The following ADORA3 variants were observed in gnomAD, a reference collection of about 807,000 sequenced individuals.
The protein encoded by ADORA3 is adenosine receptor A3.
Under a neutral mutation model 5.7 loss-of-function variants are expected in ADORA3, and 3 were observed. The observed-to-expected ratio is 0.52, with a 90% CI of 0.24 to 1.35. The LOEUF is 1.35. Among genes scored for constraint, ADORA3 ranks in the 40% most tolerant of loss-of-function variants. The probability of loss-of-function intolerance (pLI) is 0.17; values close to 1 mark genes in which losing one functional copy is unlikely to be tolerated. For missense variants in ADORA3, 343 were observed against 389.0 expected (o/e 0.88, Z 0.99); for synonymous variants, 168 against 152.3 (o/e 1.10, Z -0.76).
At chr1:111,501,635 C>T (rs1655181121) in intron 1 of ADORA3, among the ~76,000 whole-genome samples, 2 of 152,142 alleles carry the variant, frequency 1.3e-5, no homozygotes, top group Non-Finnish European at 2.9e-5. Context: ...AAACAAGTAA[C>T]TTCTACAAGT....
At position 111,499,559 on chromosome 1, in the gene ADORA3, C is replaced by A; in HGVS notation, c.*391G>T. The A allele has an allele frequency of 1.1e-5, 11 of 1,017,752 alleles. No individual in the cohort carries two copies. Among genetic ancestry groups the A allele is most frequent in the Non-Finnish European group, 1.3e-5 (11 of 848,104 alleles). The allele number at this position is 1,017,752 out of a possible 1,614,324, so 63.0% of individuals were successfully genotyped here. ...ATCCTCCGAGAGCAGGTTCTCTGCT[C>A]AATTCCACAATGGTATGGAAATGAG... On this transcript the variant is annotated 3_prime_UTR_variant, in exon 2 of 2. Coordinates refer to ENST00000241356, the MANE Select transcript of ADORA3 (RefSeq NM_000677.4).
chr1:111,502,672 A>G (rs907524692), intron 1 of ADORA3, among the ~76,000 whole-genome samples: 2 of 150,794 alleles, frequency 1.3e-5, no homozygotes, highest in African/African-American at 4.9e-5. Flanking sequence ...GGCTTTTATC[A>G]TTTCTAAAAC....
In ADORA3 at chr1:111,499,829, T is replaced by G; in HGVS notation, c.*121A>C. ...TATAATTGGGGAGCACTGGAGATGC[T>G]CCCACCTCAGTGGAAGTAATCAAGG... On this transcript the variant is annotated 3_prime_UTR_variant, in exon 2 of 2. Coordinates refer to ENST00000241356, the MANE Select transcript of ADORA3 (RefSeq NM_000677.4). The G allele has an allele frequency of 6.6e-7, 1 of 1,519,460 alleles. No individual in the cohort carries two copies. The highest frequency in any genetic ancestry group is 8.8e-7 in the Non-Finnish European group (1 of 1,140,146). The allele number at this position is 1,519,460 out of a possible 1,614,324, so 94.1% of individuals were successfully genotyped here.
rs765592717 is a variant in ADORA3, at chr1:111,500,439, C to T, written c.468G>A (p.Glu156=). The part of the protein sequence containing the change: ...MFGWNMKLTS[E]YHRNVTFLSC... ...AAAGGAAGGTGACATTTCTGTGGTA[C>T]TCTGAGGTCAGTTTCATGTTCCAGC... Residue 156 remains glutamate (E), a synonymous_variant, in exon 2 of 2, where the codon GAG becomes GAA. Transcript: ENST00000241356. The T allele has an allele frequency of 3.1e-6, 5 of 1,614,216 alleles. No homozygotes were observed. Among genetic ancestry groups the T allele is most frequent in the Non-Finnish European group, 3.4e-6 (4 of 1,180,046 alleles).
Position 111,500,058 on chromosome 1 carries a change from G to A in ADORA3, c.849C>T (p.Ala283=), listed in dbSNP as rs1221032139. Residue 283 remains alanine (A), a synonymous_variant, in exon 2 of 2, where the codon GCC becomes GCT. Transcript: ENST00000241356. Reference sequence around the variant, plus strand: ...TTTCCTTGAACTTCTTTATTTTATAGGCATAGACGATAGGGTTCATCATGG... The same window carrying A: ...TTTCCTTGAACTTCTTTATTTTATAAGCATAGACGATAGGGTTCATCATGG... ...ANSMMNPIVY[A]YKIKKFKETY... 1 of 1,614,230 alleles carries A rather than the reference G, an allele frequency of 6.2e-7. No homozygotes were observed. Among genetic ancestry groups the A allele is most frequent in the Non-Finnish European group, 8.5e-7 (1 of 1,180,036 alleles).
At chr1:111,502,425 G>T in intron 1 of ADORA3, among the ~76,000 whole-genome samples, 4 of 135,242 alleles carry the variant, frequency 3.0e-5, no homozygotes, top group Non-Finnish European at 6.3e-5. Flanking sequence ...AATATATATA[G>T]GATACATATA....
rs750730029 is a variant in ADORA3, at chr1:111,500,008, C to A, written c.899G>T (p.Cys300Phe). 9.9e-6 allele frequency: 16 copies of A among 1,614,206 alleles called. No individual in the cohort carries two copies. Among genetic ancestry groups the A allele is most frequent in the Non-Finnish European group, 1.4e-5 (16 of 1,180,004 alleles). ...KETYLLILKA[C>F]VVCHPSDSLD... ...AGAATCAGAGGGATGGCAGACCACA[C>A]AAGCTTTGAGGATCAAAAGGTAGGT... Residue 300 changes from cysteine to phenylalanine, a missense_variant, in exon 2 of 2, where the codon TGT becomes TTT. Cys to Phe is a radical substitution (Grantham distance 205). Transcript: ENST00000241356.
rs778961251 is a variant in ADORA3 at position 111,500,020 on chromosome 1, A to T, written c.887T>A (p.Ile296Asn). The T allele has an allele frequency of 3.1e-6, 5 of 1,614,116 alleles. No individual in the cohort carries two copies. The Admixed American group carries it at 5.0e-5, about 16-fold the overall frequency. Residue 296 changes from isoleucine to asparagine, a missense_variant, in exon 2 of 2, where the codon ATC becomes AAC. Transcript: ENST00000241356. ...IKKFKETYLL[I>N]LKACVVCHPS... is the part of the protein sequence containing the mutation. ...ATGGCAGACCACACAAGCTTTGAGG[A>T]TCAAAAGGTAGGTTTCCTTGAACTT...
rs758461041 is a variant in ADORA3 at position 111,500,112 on chromosome 1, G to A, written c.795C>T (p.Tyr265=). The part of the protein sequence containing the change: ...FNGEVPQLVL[Y]MGILLSHANS... ...TGGCATGGGACAGCAGGATGCCCAT[G>A]TACAGCACAAGCTGTGGTACCTCAC... is the stretch of plus-strand genomic sequence containing the variant. Residue 265 remains tyrosine (Y), a synonymous_variant, in exon 2 of 2, where the codon TAC becomes TAT. Transcript: ENST00000241356. 3 of 1,614,142 alleles carry A rather than the reference G, an allele frequency of 1.9e-6. No individual in the cohort carries two copies. The highest frequency in any genetic ancestry group is 2.5e-6 in the Non-Finnish European group (3 of 1,179,986).
At position 111,500,514 on chromosome 1, in the gene ADORA3, C is replaced by G; in HGVS notation, c.393G>C (p.Leu131=). ...GGAATGACACCAGCCAGCAAAGGCC[C>G]AGGGCCAGCCATATTCTTCTGTGAG... ...VTTHRRIWLA[L]GLCWLVSFLV... is the part of the protein sequence containing the mutation. The change falls in exon 2 of 2, where the codon CTG becomes CTC. Residue 131 remains leucine (L), a synonymous_variant. Coordinates refer to ENST00000241356, the MANE Select transcript of ADORA3 (RefSeq NM_000677.4). 1 of 1,614,180 alleles carries G rather than the reference C, an allele frequency of 6.2e-7. No individual in the cohort carries two copies. The highest frequency in any genetic ancestry group is 1.1e-5 in the South Asian group (1 of 91,072).
Position 111,502,115 on chromosome 1 carries a change from TAA to T in ADORA3, c.350+888_350+889del, listed in dbSNP as rs1655222966. Among the ~76,000 whole-genome samples the T allele has an allele frequency of 4.7e-5, 5 of 105,744 alleles. No individual in the cohort carries two copies. In the East Asian group the frequency reaches 7.3e-4, roughly 15 times the overall value. 69.4% of individuals were successfully genotyped at this position (105,744 alleles called of 152,430 possible). ...TATAGGAGATATATATTTAATATAATAAATATATAGGATATATATTTAATATA... is the reference window on the plus strand; with the variant it reads ...TATAGGAGATATATATTTAATATAATATATATAGGATATATATTTAATATA... On this transcript the variant is annotated intron_variant, in intron 1 of 1. Transcript: ENST00000241356.
Position 111,499,714 on chromosome 1 carries a change from G to A in ADORA3, c.*236C>T. On this transcript the variant is annotated 3_prime_UTR_variant, in exon 2 of 2. Transcript: ENST00000241356. ...CAGACAATAATATCAATAATACGTT[G>A]TCCCCAAGTCAGGCCTCCAAAACAC... 7.4e-7 allele frequency: 1 copy of A among 1,345,868 alleles called. No homozygotes were observed. The highest frequency in any genetic ancestry group is 9.6e-7 in the Non-Finnish European group (1 of 1,044,954). 83.4% of individuals were successfully genotyped at this position (1,345,868 alleles called of 1,614,324 possible). A position where few individuals can be genotyped will look rare whatever the true frequency, so the allele number is the denominator to read the frequency against.
At chr1:111,502,855 A>G in intron 1 of ADORA3, 150 bp downstream of exon 1, 1 of 995,280 alleles carries the variant, frequency 1.0e-6, no homozygotes, top group South Asian at 1.7e-5. Context: ...TAACCCCCTC[A>G]CAGACCATAT....
At position 111,500,457 on chromosome 1, in the gene ADORA3, G is replaced by T; in HGVS notation, c.450C>A (p.Asn150Lys). 2 of 1,614,208 alleles carry T rather than the reference G, an allele frequency of 1.2e-6. No individual in the cohort carries two copies. Among genetic ancestry groups the T allele is most frequent in the Non-Finnish European group, 1.7e-6 (2 of 1,180,042 alleles). ...TGTGGTACTCTGAGGTCAGTTTCAT[G>T]TTCCAGCCAAACATGGGGGTCAATC... is the stretch of plus-strand genomic sequence containing the variant. ...LVGLTPMFGW[N>K]MKLTSEYHRN... Residue 150 changes from asparagine to lysine, a missense_variant, in exon 2 of 2, where the codon AAC becomes AAA. By Grantham distance (94) the Asn-to-Lys change is moderately conservative (BLOSUM62 0). Coordinates refer to ENST00000241356, the MANE Select transcript of ADORA3 (RefSeq NM_000677.4).
intron 1 of ADORA3, among the ~76,000 whole-genome samples, chr1:111,501,697 C>T (rs545014616): frequency 1.1e-4 from 16 of 152,036 alleles, no homozygotes; most frequent in African/African-American, 3.1e-4. Flanking sequence ...TTCCGAGCAT[C>T]GTAACCACTG....
chr1:111,502,841 T>A (rs12127443), intron 1 of ADORA3, among the ~76,000 whole-genome samples, 164 bp downstream of exon 1: 110,423 of 151,704 alleles, frequency 0.73, 40,298 homozygotes, highest in Middle Eastern at 0.83. Context: ...CAGCCCATTG[T>A]TGCTAACCCC....
Position 111,499,962 on chromosome 1 carries a change from C to A in ADORA3, c.945G>T (p.Lys315Asn), listed in dbSNP as rs771971217. 1 of 1,613,906 alleles carries A rather than the reference C, an allele frequency of 6.2e-7. No homozygotes were observed. Among genetic ancestry groups the A allele is most frequent in the South Asian group, 1.1e-5 (1 of 91,046 alleles). The part of the protein sequence containing the change: ...PSDSLDTSIE[K>N]NSE ...CTCTGATGGATAACTACTCAGAATT[C>A]TTCTCAATGCTTGTGTCCAAAGAAT... Residue 315 changes from lysine (K) to asparagine (N), a missense_variant, in exon 2 of 2, where the codon AAG (lysine) becomes AAT (asparagine). By Grantham distance (94) the Lys-to-Asn change is moderately conservative. Transcript: ENST00000241356.
Position 111,499,822 on chromosome 1 carries a change from G to C in ADORA3, c.*128C>G, listed in dbSNP as rs575559133. On this transcript the variant is annotated 3_prime_UTR_variant, in exon 2 of 2. Transcript: ENST00000241356. ...GGGGAGATATAATTGGGGAGCACTG[G>C]AGATGCTCCCACCTCAGTGGAAGTA... The C allele has an allele frequency of 6.0e-6, 9 of 1,510,626 alleles. No individual in the cohort carries two copies. The highest frequency in any genetic ancestry group is 7.9e-6 in the Non-Finnish European group (9 of 1,136,374). The allele number at this position is 1,510,626 out of a possible 1,614,324, so 93.6% of individuals were successfully genotyped here.
rs185914699 is a variant in ADORA3, at chr1:111,499,593, A to G, written c.*357T>C. Reference sequence around the variant, plus strand: ...AATGGTATGGAAATGAGTCACCACCACACACATGTTCAGCCCAACTGGAGC... The same window carrying G: ...AATGGTATGGAAATGAGTCACCACCGCACACATGTTCAGCCCAACTGGAGC... On this transcript the variant is annotated 3_prime_UTR_variant, in exon 2 of 2. Coordinates refer to ENST00000241356, the MANE Select transcript of ADORA3 (RefSeq NM_000677.4). 6.7e-4 allele frequency: 713 copies of G among 1,066,750 alleles called. 3 individuals are homozygous for G. The African/African-American group carries it at 0.01, about 15-fold the overall frequency. The allele number at this position is 1,066,750 out of a possible 1,614,324, so 66.1% of individuals were successfully genotyped here.
Sources: allele counts gnomAD v4.1 joint callset (sites outside exome capture counted in the v4.1 genomes callset), GRCh38; gene constraint gnomAD v4.1.1; transcripts MANE v1.5; gene names NCBI Gene and HGNC (gene_info 2026-07-23, HGNC 2026-07-21).